Variants in NOL4L observed in about 807,000 individuals in gnomAD.
The protein encoded by NOL4L is nucleolar protein 4-like.
Under a neutral mutation model 64.5 loss-of-function variants are expected in NOL4L, and 7 were observed. The ratio of observed to expected loss-of-function variants is 0.11; its 90% CI spans 0.06 to 0.20. NOL4L has a LOEUF of 0.20. Among genes scored for constraint, NOL4L ranks in the 10% least tolerant of loss-of-function variants. The probability of loss-of-function intolerance (pLI) is 1.00; values close to 1 mark genes in which losing one functional copy is unlikely to be tolerated. For synonymous variants in NOL4L, 413 were observed against 401.0 expected, an observed-to-expected ratio of 1.03 and a Z score of -0.36; for missense variants, 680 against 967.1, an observed-to-expected ratio of 0.70 and a Z score of 3.94.
intron 1 of NOL4L, among the ~76,000 whole-genome samples, chr20:32,563,849 A>G (rs1230469281): frequency 6.6e-6 from 1 of 152,206 alleles, no homozygotes; most frequent in African/African-American, 2.4e-5. Flanking sequence ...CCAAGGTGGC[A>G]GCAGCCCCCA....
chr20:32,512,266 C>G (rs1450497861), intron 3 of NOL4L, among the ~76,000 whole-genome samples: 1 of 152,122 alleles, frequency 6.6e-6, no homozygotes, highest in Non-Finnish European at 1.5e-5. Flanking sequence ...ATGATACTTG[C>G]CAGACCCTTG....
At chr20:32,457,257 G>T (rs1403111384) in intron 5 of NOL4L, among the ~76,000 whole-genome samples, 1 of 151,890 alleles carries the variant, frequency 6.6e-6, no homozygotes, top group Non-Finnish European at 1.5e-5. Context: ...CCCCAGCCCC[G>T]GCCTCCTGCT....
chr20:32,504,888 T>C (rs1329911371), intron 4 of NOL4L, among the ~76,000 whole-genome samples: 1 of 152,182 alleles, frequency 6.6e-6, no homozygotes, highest in Non-Finnish European at 1.5e-5. Context: ...CGTGAGCCAC[T>C]GCACCGGCCA....
intron 5 of NOL4L, among the ~76,000 whole-genome samples, chr20:32,470,599 C>T (rs2014941036): frequency 6.6e-6 from 1 of 152,246 alleles, no homozygotes; most frequent in Non-Finnish European, 1.5e-5. Flanking sequence ...CAAAGTCTCT[C>T]AGGCATCCTC....
chr20:32,488,835 CTTTCTTTCTT>C, intron 4 of NOL4L, among the ~76,000 whole-genome samples: 1 of 54,002 alleles, frequency 1.9e-5, no homozygotes, highest in Non-Finnish European at 3.1e-5. Context: ...CTTTTTCTTT[CTTTCTTTCTT>C]TCTTTCTTTC....
chr20:32,462,194 CA>C (rs1414474324), intron 5 of NOL4L, among the ~76,000 whole-genome samples: 1 of 152,178 alleles, frequency 6.6e-6, no homozygotes, highest in Non-Finnish European at 1.5e-5. Context: ...CCCTGAAATC[CA>C]TCTGTGCCTG....
chr20:32,584,686 C>T lies in NOL4L; in HGVS notation c.205G>A (p.Ala69Thr), dbSNP rs1343937849. The change falls in exon 1 of 11, where the codon GCA (alanine) becomes ACA (threonine). Residue 69 changes from alanine (A) to threonine (T), a missense_variant. Physicochemically the swap from Ala to Thr is moderately conservative, Grantham distance 58. This residue lies in a region of NOL4L where 181 missense variants were observed against 335.2 expected (regional missense o/e 0.54). Transcript: ENST00000621426. ...GGGTGAGSGPAAGEKGKFQFW... is the reference protein window; with the variant it reads ...GGGTGAGSGPTAGEKGKFQFW... ...TGGAACTTGCCTTTCTCGCCGGCTGCGGGGCCGCTGCCCGCGCCAGTCCCG... is the reference window on the plus strand; with the variant it reads ...TGGAACTTGCCTTTCTCGCCGGCTGTGGGGCCGCTGCCCGCGCCAGTCCCG... 5.2e-6 allele frequency: 8 copies of T among 1,548,024 alleles called. No individual in the cohort carries two copies. Among genetic ancestry groups the T allele is most frequent in the Non-Finnish European group, 7.0e-6 (8 of 1,145,754 alleles).
At chr20:32,558,173 T>C (rs578035988) in intron 1 of NOL4L, among the ~76,000 whole-genome samples, 8 of 152,252 alleles carry the variant, frequency 5.3e-5, no homozygotes, top group Non-Finnish European at 1.2e-4. Context: ...GCACGACCTC[T>C]CCTAAGGGAT....
chr20:32,476,198 G>GAAACACACACACACAC (rs1555793810), intron 4 of NOL4L, among the ~76,000 whole-genome samples: 3 of 140,978 alleles, frequency 2.1e-5, no homozygotes, highest in African/African-American at 8.0e-5. Flanking sequence ...CACCCGGAGG[G>GAAACACACACACACAC]ACACACACAC....
Position 32,453,848 on chromosome 20 carries a change from C to G in NOL4L, c.1120-87G>C, listed in dbSNP as rs977085639. Reference sequence around the variant, plus strand: ...TCCTACAGGCGGTGAGCTTGGGGACCAGGGTGGCACGCATGCCCTGCTGCC... The same window carrying G: ...TCCTACAGGCGGTGAGCTTGGGGACGAGGGTGGCACGCATGCCCTGCTGCC... On this transcript the variant is annotated intron_variant, in intron 6 of 10. Transcript: ENST00000621426. The surrounding 1 kb of genome is among the most constrained non-coding windows in gnomAD (Gnocchi z 5.6). 5.4e-6 allele frequency: 7 copies of G among 1,303,464 alleles called. No individual in the cohort carries two copies. In the African/African-American group the frequency reaches 8.8e-5, roughly 16 times the overall value. The allele number at this position is 1,303,464 out of a possible 1,614,324, so 80.7% of individuals were successfully genotyped here.
chr20:32,546,725 C>T lies in NOL4L; in HGVS notation c.322-18812G>A, dbSNP rs971840002. On this transcript the variant is annotated intron_variant, in intron 1 of 10. Coordinates refer to ENST00000621426, the MANE Select transcript of NOL4L (RefSeq NM_001256798.2). Reference sequence around the variant, plus strand: ...CTGGGATTACAGGTGTGAGCCACTGCGCCCGGCAAGGCTGTAATTCTAATT... The same window carrying T: ...CTGGGATTACAGGTGTGAGCCACTGTGCCCGGCAAGGCTGTAATTCTAATT... Among the ~76,000 whole-genome samples the T allele has an allele frequency of 5.3e-5, 8 of 152,202 alleles. No homozygotes were observed. The East Asian group carries it at 5.8e-4, about 11-fold the overall frequency.
At chr20:32,556,098 T>C (rs1381316120) in intron 1 of NOL4L, among the ~76,000 whole-genome samples, 8 of 152,188 alleles carry the variant, frequency 5.3e-5, no homozygotes, top group Non-Finnish European at 7.3e-5. Flanking sequence ...AGGTGCATAG[T>C]AGGCCCCCCC....
At chr20:32,567,427 T>C (rs1005021465) in intron 1 of NOL4L, among the ~76,000 whole-genome samples, 1 of 152,162 alleles carries the variant, frequency 6.6e-6, no homozygotes, top group Non-Finnish European at 1.5e-5. Flanking sequence ...CATGGAGGAT[T>C]GTTCTCCCTT....
chr20:32,528,957 C>T (rs2018244955), intron 1 of NOL4L, among the ~76,000 whole-genome samples: 1 of 152,212 alleles, frequency 6.6e-6, no homozygotes, highest in African/African-American at 2.4e-5. Context: ...GAGAATTCTT[C>T]CCCAAAGGAC....
chr20:32,563,320 G>A (rs1272422869), intron 1 of NOL4L, among the ~76,000 whole-genome samples: 7 of 142,852 alleles, frequency 4.9e-5, no homozygotes, highest in Non-Finnish European at 1.1e-4. Flanking sequence ...CAGGGAGGGT[G>A]AAGGGGAGGG....
rs769244314 is a variant in NOL4L, at chr20:32,460,070, G to T, written c.842-3675C>A. Among the ~76,000 whole-genome samples, 3 of 152,174 alleles carry T rather than the reference G, an allele frequency of 2.0e-5. No homozygotes were observed. Among genetic ancestry groups the T allele is most frequent in the Non-Finnish European group, 4.4e-5 (3 of 68,030 alleles). The stretch of plus-strand genomic sequence containing the variant: ...TCACAGAGACAGAAGGTACAGTGAG[G>T]CTCCACGGGCTGGGAATGGGCAGTT... On this transcript the variant is annotated intron_variant, in intron 5 of 10. Transcript: ENST00000621426. This position sits in a 1 kb window ranked among gnomAD's most constrained non-coding sequence, Gnocchi z 5.7.
intron 3 of NOL4L, chr20:32,520,068 A>T (rs1222102571): frequency 6.6e-6 from 1 of 152,158 alleles, no homozygotes; most frequent in Non-Finnish European, 1.5e-5. Flanking sequence ...GTAGATCATG[A>T]GGTCAGGAGA....
At chr20:32,525,409 G>A (rs2018097585) in intron 2 of NOL4L, among the ~76,000 whole-genome samples, 1 of 152,240 alleles carries the variant, frequency 6.6e-6, no homozygotes, top group Non-Finnish European at 1.5e-5. Flanking sequence ...CACAGGCTCT[G>A]GGGTGGGTGG....
chr20:32,537,907 T>C (rs2018578251), intron 1 of NOL4L, among the ~76,000 whole-genome samples: 1 of 151,738 alleles, frequency 6.6e-6, no homozygotes, highest in African/African-American at 2.4e-5. Context: ...GCCTCCCGAG[T>C]AGCTGGGATT....
Sources: gnomAD v4.1 joint callset for allele counts (sites outside exome capture counted in the v4.1 genomes callset) on GRCh38, gnomAD v4.1.1 for gene constraint, gnomAD v4.1.1 regional missense constraint, Gnocchi (gnomAD v3.1) non-coding constraint, MANE v1.5 for transcripts, NCBI Gene and HGNC (gene_info 2026-07-23, HGNC 2026-07-21) for gene names.